Variants in SMIM36 observed in about 807,000 individuals in gnomAD.
The protein encoded by SMIM36 is small integral membrane protein 36.
intron 1 of SMIM36, among the ~76,000 whole-genome samples, chr17:55,509,478 C>A (rs1005428068): frequency 1.3e-5 from 2 of 152,152 alleles, no homozygotes; most frequent in Admixed American, 1.3e-4. Flanking sequence ...CAACATTATT[C>A]GAATATTTCT....
intron 1 of SMIM36, among the ~76,000 whole-genome samples, chr17:55,501,395 T>TATATATTATTATATATTATAAAATATA (rs1194972286): frequency 0.014 from 312 of 21,778 alleles, 11 homozygotes; most frequent in South Asian, 0.026. Flanking sequence ...TATAATATAT[T>TATATATTATTATATATTATAAAATATA]ATATATTATT....
chr17:55,511,716 G>A (rs1910185125), upstream of SMIM36, among the ~76,000 whole-genome samples: 2 of 152,192 alleles, frequency 1.3e-5, no homozygotes, highest in South Asian at 4.1e-4. Context: ...CATGATGACA[G>A]CTAAAAATTG....
chr17:55,465,488 G>A (rs1909219458), intron 4 of SMIM36, among the ~76,000 whole-genome samples: 1 of 152,098 alleles, frequency 6.6e-6, no homozygotes, highest in African/African-American at 2.4e-5. Flanking sequence ...GGGATATTAT[G>A]TCTATCTTTA....
chr17:55,515,097 T>TTG (rs1424774565), upstream of SMIM36, among the ~76,000 whole-genome samples: 1 of 105,864 alleles, frequency 9.4e-6, no homozygotes, highest in Non-Finnish European at 1.6e-5. Flanking sequence ...TTTTTTTTTT[T>TTG]TTTTTTTTTT....
At chr17:55,506,070 TAA>T (rs1910074612) in intron 1 of SMIM36, among the ~76,000 whole-genome samples, 1 of 39,146 alleles carries the variant, frequency 2.6e-5, no homozygotes, top group Non-Finnish European at 3.7e-5. Flanking sequence ...CTCAAGGAAA[TAA>T]AAGAGGATAC....
intron 3 of SMIM36, among the ~76,000 whole-genome samples, chr17:55,474,654 T>C (rs1909399857): frequency 6.6e-6 from 1 of 152,224 alleles, no homozygotes; most frequent in Non-Finnish European, 1.5e-5. Flanking sequence ...TTGGATTTCC[T>C]GATACTCTGA....
chr17:55,490,280 C>G (rs953695888), intron 1 of SMIM36, among the ~76,000 whole-genome samples: 1 of 152,144 alleles, frequency 6.6e-6, no homozygotes, highest in South Asian at 2.1e-4. Context: ...GGTTCTGGCA[C>G]TGATTCTGCC....
intron 4 of SMIM36, among the ~76,000 whole-genome samples, chr17:55,452,967 T>C (rs1908946578): frequency 6.6e-6 from 1 of 152,174 alleles, no homozygotes; most frequent in Non-Finnish European, 1.5e-5. Context: ...TGGACACTCT[T>C]ACCACATCCT....
chr17:55,464,203 T>G (rs1017965429), intron 4 of SMIM36, among the ~76,000 whole-genome samples: 1 of 152,220 alleles, frequency 6.6e-6, no homozygotes, highest in Non-Finnish European at 1.5e-5. Context: ...ATTCTATGGC[T>G]TGAAACTGGA....
At chr17:55,523,549 CAT>C in the SMIM36 span, among the ~76,000 whole-genome samples, 73 of 138,888 alleles carry the variant, frequency 5.3e-4, no homozygotes, top group Non-Finnish European at 8.0e-4. Context: ...AAAAAAAAAA[CAT>C]GTGAGGACAA....
upstream of SMIM36, among the ~76,000 whole-genome samples, chr17:55,514,563 C>T (rs757220282): frequency 8.6e-5 from 13 of 152,030 alleles, no homozygotes; most frequent in Non-Finnish European, 1.5e-4. Context: ...TCCCTCTCAC[C>T]CTCTCATCTC....
intron 1 of SMIM36, among the ~76,000 whole-genome samples, chr17:55,501,817 C>A (rs373647384): frequency 0.16 from 23,753 of 148,410 alleles, 3,428 homozygotes; most frequent in African/African-American, 0.43. Context: ...ATCTGAGGTA[C>A]CGGGTTCATC....
intron 1 of SMIM36, among the ~76,000 whole-genome samples, chr17:55,501,880 C>A (rs1035748123): frequency 1.2e-4 from 12 of 98,650 alleles, no homozygotes; most frequent in African/African-American, 7.0e-4. Context: ...GCGCACAGTG[C>A]GCGAGCCGAA....
the SMIM36 span, among the ~76,000 whole-genome samples, chr17:55,519,504 C>T: frequency 1.3e-5 from 2 of 151,968 alleles, no homozygotes; most frequent in African/African-American, 4.8e-5. Context: ...AGGGGTATGA[C>T]CGGAATTGAG....
chr17:55,458,000 G>A (rs1302739949), intron 4 of SMIM36, among the ~76,000 whole-genome samples: 1 of 152,142 alleles, frequency 6.6e-6, no homozygotes, highest in Non-Finnish European at 1.5e-5. Flanking sequence ...TTTCATGCGA[G>A]TATGTGCTCT....
chr17:55,523,710 G>A, the SMIM36 span, among the ~76,000 whole-genome samples: 1 of 152,106 alleles, frequency 6.6e-6, no homozygotes, highest in African/African-American at 2.4e-5. Context: ...CTGGTATTTT[G>A]TTATGGCAGT....
chr17:55,450,886 A>G (rs1194804437), intron 4 of SMIM36, among the ~76,000 whole-genome samples: 1 of 152,016 alleles, frequency 6.6e-6, no homozygotes. Flanking sequence ...AAAGATCCAT[A>G]GTGGCTTCTT....
chr17:55,461,999 G>A (rs1909155604), intron 4 of SMIM36, among the ~76,000 whole-genome samples: 1 of 152,180 alleles, frequency 6.6e-6, no homozygotes, highest in Non-Finnish European at 1.5e-5. Context: ...TATGGTGATA[G>A]GCAAATTCAT....
intron 4 of SMIM36, among the ~76,000 whole-genome samples, chr17:55,460,369 AG>A (rs1909118862): frequency 2.0e-5 from 3 of 151,736 alleles, no homozygotes; most frequent in Admixed American, 2.0e-4. Context: ...CAGAGGATGC[AG>A]TGACCCTAGA....
Sources: gnomAD v4.1 joint callset for allele counts (sites outside exome capture counted in the v4.1 genomes callset) on GRCh38, gnomAD v4.1.1 for gene constraint, MANE v1.5 for transcripts, NCBI Gene and HGNC (gene_info 2026-07-23, HGNC 2026-07-21) for gene names.